The following SLC13A1 variants were observed in gnomAD, a reference collection of about 807,000 sequenced individuals.
SLC13A1 encodes solute carrier family 13 member 1, also known as Na(+)/sulfate cotransporter.
A neutral mutation model predicts 70.0 loss-of-function variants in SLC13A1; 65 were observed. That is an observed-to-expected ratio of 0.93 (90% CI 0.76 to 1.14). The LOEUF is 1.14. Ranked by LOEUF, SLC13A1 falls within the 50% of genes most tolerant of loss-of-function variation. The pLI is 0.00. For synonymous variants in SLC13A1, 275 were observed against 250.5 expected, an observed-to-expected ratio of 1.10 and a Z score of -0.92; for missense variants, 726 against 717.8, an observed-to-expected ratio of 1.01 and a Z score of -0.13.
rs963834979 is a variant in SLC13A1 at position 123,190,192 on chromosome 7, C to T, written c.100-9091G>A. ...CTTGTAGTATACTATAAGAGACATA[C>T]CCTGGTTATAAGATTAATGATAGCC... On this transcript the variant is annotated intron_variant, in intron 1 of 14. Transcript: ENST00000194130. Among the ~76,000 whole-genome samples the T allele has an allele frequency of 2.6e-5, 4 of 152,102 alleles. No homozygotes were observed. The South Asian group carries it at 8.3e-4, about 32-fold the overall frequency.
At chr7:123,153,232 TTTA>T (rs1179682256) in intron 6 of SLC13A1, among the ~76,000 whole-genome samples, 1 of 152,102 alleles carries the variant, frequency 6.6e-6, no homozygotes, top group Non-Finnish European at 1.5e-5. Flanking sequence ...CCACACATTT[TTTA>T]TTAATAAGGA....
intron 11 of SLC13A1, among the ~76,000 whole-genome samples, chr7:123,123,619 A>G (rs117088917): frequency 1.5e-3 from 230 of 152,300 alleles, no homozygotes; most frequent in Non-Finnish European, 2.5e-3. Context: ...TGTCCATAAT[A>G]TTCCATTGGT....
At chr7:123,172,518 A>C (rs1258959660) in intron 2 of SLC13A1, among the ~76,000 whole-genome samples, 1 of 152,178 alleles carries the variant, frequency 6.6e-6, no homozygotes, top group Non-Finnish European at 1.5e-5. Flanking sequence ...GCTACTCTGG[A>C]GGCTGAGACA....
intron 11 of SLC13A1, 63 bp downstream of exon 11, chr7:123,125,506 A>C: frequency 8.2e-7 from 1 of 1,219,338 alleles, no homozygotes; most frequent in Non-Finnish European, 1.2e-6. Context: ...AAGCGAAACC[A>C]ATGGAATTTT....
chr7:123,125,617 G>T lies in SLC13A1; in HGVS notation c.1192C>A (p.Leu398Ile). The T allele has an allele frequency of 6.2e-7, 1 of 1,613,192 alleles. No individual in the cohort carries two copies. The change falls in exon 11 of 15, where the codon CTT becomes ATT. Residue 398 changes from leucine to isoleucine, a missense_variant. Transcript: ENST00000194130. ...TTAGTCAGTGTCTTAGCTGGGATAA[G>T]AAAGAATAGCAGCCCTATAAGTAAA... Reference protein sequence around the residue: ...VALLIGLLFFLIPAKTLTKTT... With the variant: ...VALLIGLLFFIIPAKTLTKTT...
At chr7:123,193,793 T>C (rs1255247271) in intron 1 of SLC13A1, among the ~76,000 whole-genome samples, 1 of 152,128 alleles carries the variant, frequency 6.6e-6, no homozygotes, top group African/African-American at 2.4e-5. Context: ...GCATTCACAT[T>C]TACTATTGTT....
intron 7 of SLC13A1, among the ~76,000 whole-genome samples, chr7:123,144,331 A>G (rs1794271682): frequency 6.6e-6 from 1 of 152,214 alleles, no homozygotes; most frequent in South Asian, 2.1e-4. Flanking sequence ...GGAGATTTAG[A>G]AGAGAAACTG....
chr7:123,159,488 C>G (rs930036561), intron 6 of SLC13A1, among the ~76,000 whole-genome samples: 1 of 152,142 alleles, frequency 6.6e-6, no homozygotes, highest in Admixed American at 6.6e-5. Context: ...GAAACCGACC[C>G]AGATAACACC....
intron 1 of SLC13A1, among the ~76,000 whole-genome samples, chr7:123,198,169 T>A (rs974092556): frequency 6.6e-6 from 1 of 152,014 alleles, no homozygotes; most frequent in African/African-American, 2.4e-5. Flanking sequence ...AAGATCATAA[T>A]GTGTCTTAGA....
At chr7:123,159,585 T>C (rs1433942733) in intron 6 of SLC13A1, among the ~76,000 whole-genome samples, 1 of 152,188 alleles carries the variant, frequency 6.6e-6, no homozygotes, top group African/African-American at 2.4e-5. Flanking sequence ...ACTATTTTGT[T>C]ATGGCAATCC....
chr7:123,158,199 C>T (rs540338478), intron 6 of SLC13A1, among the ~76,000 whole-genome samples: 1 of 151,966 alleles, frequency 6.6e-6, no homozygotes, highest in South Asian at 2.1e-4. Context: ...CCACAAGGAC[C>T]TCAGAGGTGT....
chr7:123,130,597 C>T (rs1223068401), intron 8 of SLC13A1, among the ~76,000 whole-genome samples: 2 of 152,010 alleles, frequency 1.3e-5, no homozygotes, highest in African/African-American at 4.8e-5. Context: ...TCAAGATAAA[C>T]AGGTAATGCA....
intron 7 of SLC13A1, among the ~76,000 whole-genome samples, chr7:123,141,928 T>C (rs1039082937): frequency 6.6e-6 from 1 of 152,148 alleles, no homozygotes; most frequent in African/African-American, 2.4e-5. Flanking sequence ...TTACATTCAA[T>C]GTTACTATTG....
chr7:123,165,514 C>T (rs562796870), intron 6 of SLC13A1, among the ~76,000 whole-genome samples: 1 of 152,084 alleles, frequency 6.6e-6, no homozygotes, highest in South Asian at 2.1e-4. Context: ...CATTTTTTTC[C>T]CTCGTCCCCA....
chr7:123,133,599 G>A (rs866169061), intron 8 of SLC13A1, among the ~76,000 whole-genome samples: 47 of 152,024 alleles, frequency 3.1e-4, no homozygotes, highest in South Asian at 6.2e-4. Flanking sequence ...GTGCAATGGC[G>A]AGATCTTGGC....
At chr7:123,147,108 A>G (rs901465379) in intron 7 of SLC13A1, 51 bp downstream of exon 7, 1 of 1,562,912 alleles carries the variant, frequency 6.4e-7, no homozygotes, top group Non-Finnish European at 8.7e-7. Flanking sequence ...TAATTTTTAT[A>G]ATTTTTGTGC....
intron 6 of SLC13A1, among the ~76,000 whole-genome samples, chr7:123,164,881 C>T (rs930835950): frequency 7.4e-5 from 11 of 149,284 alleles, no homozygotes; most frequent in South Asian, 2.1e-4. Flanking sequence ...TACCACTCTC[C>T]CCAAAAAAAG....
intron 2 of SLC13A1, among the ~76,000 whole-genome samples, chr7:123,179,873 T>G (rs1161264693): frequency 1.3e-5 from 2 of 152,166 alleles, no homozygotes; most frequent in Non-Finnish European, 2.9e-5. Context: ...GGTTAAAAAT[T>G]TGACACCCTA....
At chr7:123,135,085 C>A (rs957546994) in intron 7 of SLC13A1, among the ~76,000 whole-genome samples, 22 of 152,188 alleles carry the variant, frequency 1.4e-4, no homozygotes, top group Non-Finnish European at 2.8e-4. Flanking sequence ...CAGCAACCAT[C>A]GAACCAGGTA....
Sources: allele counts gnomAD v4.1 joint callset (sites outside exome capture counted in the v4.1 genomes callset), GRCh38; gene constraint gnomAD v4.1.1; transcripts MANE v1.5; gene names NCBI Gene and HGNC (gene_info 2026-07-23, HGNC 2026-07-21).